PRELID2: variants seen among roughly 807,000 people sequenced by gnomAD.
PRELID2 encodes the protein PRELI domain-containing protein 2.
Under a neutral mutation model 28.4 loss-of-function variants are expected in PRELID2, and 25 were observed. That is an observed-to-expected ratio of 0.88 (90% confidence interval 0.64 to 1.23). The LOEUF is 1.23. Among genes scored for constraint, PRELID2 ranks in the 50% most tolerant of loss-of-function variants. The pLI is 0.00. For synonymous variants in PRELID2, 76 were observed against 71.6 expected (o/e 1.06, Z -0.31); for missense variants, 201 against 214.4 (o/e 0.94, Z 0.39).
At chr5:145,234,944 C>A in the PRELID2 span, among the ~76,000 whole-genome samples, 36,353 of 151,956 alleles carry the variant, frequency 0.24, 5,365 homozygotes, top group Non-Finnish European at 0.31. Flanking sequence ...AATATTGAGA[C>A]TGGTCCTCTT....
intron 1 of PRELID2, among the ~76,000 whole-genome samples, chr5:145,722,273 T>C (rs1756011116): frequency 6.6e-6 from 1 of 152,140 alleles, no homozygotes; most frequent in Non-Finnish European, 1.5e-5. Context: ...AATATGATAA[T>C]TCAAAATTTA....
At chr5:145,770,995 T>A (rs1229606171) in intron 5 of PRELID2, among the ~76,000 whole-genome samples, 1 of 152,190 alleles carries the variant, frequency 6.6e-6, no homozygotes, top group Non-Finnish European at 1.5e-5. Context: ...TATAAATCTG[T>A]AGTAATGCAC....
chr5:145,449,197 C>A, the PRELID2 span, among the ~76,000 whole-genome samples: 2 of 152,052 alleles, frequency 1.3e-5, no homozygotes, highest in Admixed American at 1.3e-4. Context: ...GAGGCTGAGT[C>A]CCACGTGTTA....
chr5:145,712,409 T>C (rs925249345), intron 1 of PRELID2, among the ~76,000 whole-genome samples: 2 of 152,178 alleles, frequency 1.3e-5, no homozygotes, highest in African/African-American at 4.8e-5. Context: ...ATCATGTTGA[T>C]AGTTTGAAAT....
the PRELID2 span, among the ~76,000 whole-genome samples, chr5:145,418,613 C>G: frequency 4.6e-5 from 7 of 152,260 alleles, no homozygotes; most frequent in African/African-American, 1.7e-4. Flanking sequence ...TTATCTTCCA[C>G]AAACCTGACA....
At chr5:145,339,915 C>T in the PRELID2 span, among the ~76,000 whole-genome samples, 4 of 152,188 alleles carry the variant, frequency 2.6e-5, no homozygotes, top group African/African-American at 9.7e-5. Context: ...TACTCCCACA[C>T]ATGCAAGGAC....
chr5:145,326,068 A>C, the PRELID2 span, among the ~76,000 whole-genome samples: 1 of 152,146 alleles, frequency 6.6e-6, no homozygotes. Context: ...GAGTACAGTA[A>C]CATGATCATA....
chr5:145,366,918 A>C, the PRELID2 span, among the ~76,000 whole-genome samples: 2 of 152,028 alleles, frequency 1.3e-5, no homozygotes, highest in Non-Finnish European at 2.9e-5. Flanking sequence ...ATATTGGAGT[A>C]GGAATAAGGA....
At chr5:145,315,282 A>T in the PRELID2 span, among the ~76,000 whole-genome samples, 1 of 151,790 alleles carries the variant, frequency 6.6e-6, no homozygotes, top group East Asian at 1.9e-4. Flanking sequence ...TTTGGCCAGG[A>T]TGGTTTCGAT....
At chr5:145,608,514 T>G (rs1753543300) in intron 1 of PRELID2, among the ~76,000 whole-genome samples, 1 of 152,218 alleles carries the variant, frequency 6.6e-6, no homozygotes, top group African/African-American at 2.4e-5. Flanking sequence ...TTAGTTTGGC[T>G]AGATATGAAA....
At chr5:145,622,152 T>A (rs899940386) in intron 1 of PRELID2, among the ~76,000 whole-genome samples, 1 of 152,130 alleles carries the variant, frequency 6.6e-6, no homozygotes, top group Non-Finnish European at 1.5e-5. Context: ...AGATTTGCCA[T>A]TGTCTAGGGC....
At chr5:145,345,306 C>T in the PRELID2 span, among the ~76,000 whole-genome samples, 2 of 150,646 alleles carry the variant, frequency 1.3e-5, no homozygotes, top group Non-Finnish European at 3.0e-5. Context: ...TAGATAAAGA[C>T]ATGCTCTTGT....
chr5:145,811,523 G>C (rs1305852909), intron 4 of PRELID2, among the ~76,000 whole-genome samples: 1 of 152,156 alleles, frequency 6.6e-6, no homozygotes, highest in Non-Finnish European at 1.5e-5. Flanking sequence ...CTGGCCACAA[G>C]ATACTCCCAC....
chr5:145,803,161 C>T (rs963109354), intron 4 of PRELID2, among the ~76,000 whole-genome samples: 2 of 152,088 alleles, frequency 1.3e-5, no homozygotes, highest in African/African-American at 2.4e-5. Context: ...AAAGGAAACA[C>T]GGGGTCTTCA....
chr5:145,307,178 T>G, the PRELID2 span, among the ~76,000 whole-genome samples: 3 of 152,172 alleles, frequency 2.0e-5, no homozygotes, highest in Middle Eastern at 3.2e-3. Flanking sequence ...CCATTTCATT[T>G]CAGGAGGAAG....
intron 1 of PRELID2, among the ~76,000 whole-genome samples, chr5:145,741,333 T>C (rs1292303089): frequency 3.1e-5 from 1 of 31,826 alleles, no homozygotes; most frequent in Non-Finnish European, 6.9e-5. Context: ...ATTATTTATA[T>C]ATAAATAAAA....
chr5:145,375,552 G>T, the PRELID2 span, among the ~76,000 whole-genome samples: 1 of 152,134 alleles, frequency 6.6e-6, no homozygotes, highest in African/African-American at 2.4e-5. Flanking sequence ...GGGCTGCCCA[G>T]ATTCCTCAGA....
chr5:145,465,435 A>T, the PRELID2 span, among the ~76,000 whole-genome samples: 1 of 152,174 alleles, frequency 6.6e-6, no homozygotes, highest in Admixed American at 6.6e-5. Context: ...ATATTATCCT[A>T]ATAAACCCAG....
At chr5:145,705,167 A>G (rs1421100812) in intron 1 of PRELID2, among the ~76,000 whole-genome samples, 1 of 152,114 alleles carries the variant, frequency 6.6e-6, no homozygotes, top group Non-Finnish European at 1.5e-5. Flanking sequence ...ACTGATAAAA[A>G]AACAACAGAT....
Sources: allele counts gnomAD v4.1 joint callset (sites outside exome capture counted in the v4.1 genomes callset), GRCh38; gene constraint gnomAD v4.1.1; transcripts MANE v1.5; gene names NCBI Gene and HGNC (gene_info 2026-07-23, HGNC 2026-07-21).